The following PAK3 variants were observed in gnomAD, a reference collection of about 807,000 sequenced individuals.
PAK3 encodes p21 (RAC1) activated kinase 3.
PAK3 carries 4 observed loss-of-function variants against 41.0 expected under a neutral mutation model. The observed-to-expected ratio is 0.10, with a 90% CI of 0.05 to 0.22. The LOEUF is 0.22. Ranked by LOEUF, PAK3 falls within the 10% of genes least tolerant of loss-of-function variation. PAK3 has a pLI of 1.00. For missense variants in PAK3, 205 were observed against 409.9 expected (o/e 0.50, Z 4.32); for synonymous variants, 146 against 139.6 (o/e 1.05, Z -0.32).
intron 8 of PAK3, among the ~76,000 whole-genome samples, chrX:111,162,085 G>A (rs183775441): frequency 6.2e-4 from 69 of 111,445 alleles, no homozygotes; most frequent in African/African-American, 2.2e-3. Flanking sequence ...AATGGAGCTT[G>A]AAAATTTGCA....
chrX:111,114,997 T>A (rs1272839718), intron 4 of PAK3, among the ~76,000 whole-genome samples: 1 of 112,239 alleles, frequency 8.9e-6, no homozygotes, highest in Non-Finnish European at 1.9e-5. Context: ...TCTTGTGTGG[T>A]AAGGGCTGGG....
chrX:110,946,901 A>C (rs1165027833), intron 1 of PAK3, among the ~76,000 whole-genome samples: 3 of 112,480 alleles, frequency 2.7e-5, no homozygotes, highest in African/African-American at 9.7e-5. Context: ...TTTCACTGGT[A>C]ATTAACAATG....
At chrX:110,972,270 C>A (rs1204410366) in intron 1 of PAK3, among the ~76,000 whole-genome samples, 1 of 111,499 alleles carries the variant, frequency 9.0e-6, no homozygotes, top group African/African-American at 3.3e-5. Flanking sequence ...CTGACTGCCT[C>A]CTCAAGTGGG....
At chrX:111,106,238 G>A (rs1038861603) in intron 4 of PAK3, among the ~76,000 whole-genome samples, 3 of 111,486 alleles carry the variant, frequency 2.7e-5, no homozygotes, top group African/African-American at 6.5e-5. Flanking sequence ...CGCTACACAC[G>A]TTTGCACCAG....
intron 11 of PAK3, among the ~76,000 whole-genome samples, chrX:111,183,685 G>T (rs1167674961): frequency 9.0e-6 from 1 of 111,590 alleles, no homozygotes; most frequent in African/African-American, 3.3e-5. Context: ...TTGGCACTTG[G>T]TGGGAAACAT....
At chrX:110,951,196 A>G (rs1443518474) in intron 1 of PAK3, among the ~76,000 whole-genome samples, 7 of 111,847 alleles carry the variant, frequency 6.3e-5, no homozygotes, top group Admixed American at 4.7e-4. Flanking sequence ...TGCTTCTGAT[A>G]ATGAGGATCT....
intron 1 of PAK3, among the ~76,000 whole-genome samples, chrX:110,972,533 A>G (rs189347900): frequency 8.9e-6 from 1 of 112,246 alleles, no homozygotes; most frequent in Admixed American, 9.4e-5. Context: ...CAAAAAGGTC[A>G]TCTACACCAA....
chrX:111,154,211 G>T (rs903341069), intron 8 of PAK3, among the ~76,000 whole-genome samples: 1 of 111,468 alleles, frequency 9.0e-6, no homozygotes, highest in Non-Finnish European at 1.9e-5. Flanking sequence ...TTATGGAGAT[G>T]AATGGCTTTG....
At chrX:110,982,349 T>G (rs1309872206) in intron 1 of PAK3, among the ~76,000 whole-genome samples, 1 of 112,319 alleles carries the variant, frequency 8.9e-6, no homozygotes, top group Non-Finnish European at 1.9e-5. Flanking sequence ...TCTGTGACGC[T>G]GAACAAGTGC....
intron 1 of PAK3, among the ~76,000 whole-genome samples, chrX:111,039,147 G>T (rs768357637): frequency 8.9e-6 from 1 of 112,210 alleles, no homozygotes; most frequent in South Asian, 3.7e-4. Flanking sequence ...TTTTAAAATT[G>T]ATCAATACAA....
At chrX:111,159,562 A>C in intron 8 of PAK3, among the ~76,000 whole-genome samples, 1 of 111,663 alleles carries the variant, frequency 9.0e-6, no homozygotes, top group Non-Finnish European at 1.9e-5. Flanking sequence ...GATAGGGCAA[A>C]ACTTTCTGGA....
At chrX:111,139,648 G>A (rs1470737063) in intron 5 of PAK3, among the ~76,000 whole-genome samples, 2 of 112,200 alleles carry the variant, frequency 1.8e-5, no homozygotes, top group East Asian at 5.6e-4. Context: ...TAGTTAGGCT[G>A]ATAAGGCATT....
chrX:111,027,126 G>A (rs779592144), intron 1 of PAK3, among the ~76,000 whole-genome samples: 1 of 111,213 alleles, frequency 9.0e-6, no homozygotes, highest in Non-Finnish European at 1.9e-5. Flanking sequence ...GAATGAAACT[G>A]GATTCTCATC....
chrX:111,072,301 A>T (rs1455364790), intron 1 of PAK3, among the ~76,000 whole-genome samples: 2 of 112,930 alleles, frequency 1.8e-5, no homozygotes, highest in East Asian at 5.5e-4. Flanking sequence ...TTTTTATTTT[A>T]AAAATACTGC....
chrX:110,951,234 A>C (rs929902458), intron 1 of PAK3, among the ~76,000 whole-genome samples: 1 of 111,284 alleles, frequency 9.0e-6, no homozygotes, highest in Non-Finnish European at 1.9e-5. Context: ...TAACCATTTA[A>C]CTCTTCTCTA....
chrX:111,174,858 C>T (rs1160421764), intron 11 of PAK3, among the ~76,000 whole-genome samples: 1 of 111,254 alleles, frequency 9.0e-6, no homozygotes, highest in Non-Finnish European at 1.9e-5. Flanking sequence ...ATACAGGGTA[C>T]CAGAAGAACC....
At chrX:111,130,142 A>G (rs1424463280) in intron 5 of PAK3, among the ~76,000 whole-genome samples, 1 of 111,889 alleles carries the variant, frequency 8.9e-6, no homozygotes, top group Non-Finnish European at 1.9e-5. Context: ...GTAACTTCCT[A>G]ATGATTTCCC....
At chrX:111,155,687 G>A in intron 8 of PAK3, among the ~76,000 whole-genome samples, 1 of 111,192 alleles carries the variant, frequency 9.0e-6, no homozygotes, top group Non-Finnish European at 1.9e-5. Flanking sequence ...TTTGTTGAAT[G>A]TTAAGTTAGA....
At chrX:111,046,552 T>C (rs2092500421) in intron 1 of PAK3, among the ~76,000 whole-genome samples, 1 of 111,574 alleles carries the variant, frequency 9.0e-6, no homozygotes, top group Non-Finnish European at 1.9e-5. Flanking sequence ...TATAGAATAG[T>C]AGTTAAGAAC....
Sources: gnomAD v4.1 joint callset for allele counts (sites outside exome capture counted in the v4.1 genomes callset) on GRCh38, gnomAD v4.1.1 for gene constraint, MANE v1.5 for transcripts, NCBI Gene and HGNC (gene_info 2026-07-23, HGNC 2026-07-21) for gene names.